INTS6L: variants seen among roughly 807,000 people sequenced by gnomAD.
The protein encoded by INTS6L is integrator complex subunit 6-like.
In INTS6L, 18 loss-of-function variants were observed where a neutral mutation model predicts 64.7. The ratio of observed to expected loss-of-function variants is 0.28; its 90% CI spans 0.19 to 0.41. The LOEUF (loss-of-function observed/expected upper bound fraction) is 0.41. INTS6L is among the 10% of genes least tolerant of loss of function. The pLI is 1.00. For missense variants in INTS6L, 533 were observed against 661.0 expected (o/e 0.81, Z 2.12); for synonymous variants, 227 against 235.9 (o/e 0.96, Z 0.34).
intron 2 of INTS6L, among the ~76,000 whole-genome samples, chrX:135,528,151 C>G (rs1042437797): frequency 1.8e-5 from 2 of 110,759 alleles, no homozygotes; most frequent in African/African-American, 3.3e-5. Context: ...TGCCTTTTAC[C>G]GAAAGAGTGT....
Position 135,529,732 on chromosome X carries a change from T to G in INTS6L, c.189+8414T>G, listed in dbSNP as rs148638604. Among the ~76,000 whole-genome samples, 5 of 112,340 alleles carry G rather than the reference T, an allele frequency of 4.5e-5. No homozygotes were observed. The East Asian group carries it at 1.4e-3, about 31-fold the overall frequency. ...ACTATCCCTGTATTTCAGATATGAT[T>G]TGACTTATATTTGCTTCCTTGTAAT... is the stretch of plus-strand genomic sequence containing the variant. On this transcript the variant is annotated intron_variant, in intron 2 of 17. Transcript: ENST00000639893.
intron 2 of INTS6L, among the ~76,000 whole-genome samples, chrX:135,531,168 A>G (rs1411694129): frequency 8.9e-6 from 1 of 112,563 alleles, no homozygotes; most frequent in East Asian, 2.8e-4. Context: ...ACTAATATTC[A>G]TCCTCTTTGT....
chrX:135,551,675 A>G (rs2086506804), intron 7 of INTS6L, among the ~76,000 whole-genome samples: 1 of 112,447 alleles, frequency 8.9e-6, no homozygotes, highest in African/African-American at 3.2e-5. Context: ...CTGAAATTCA[A>G]CATTCATCCT....
intron 9 of INTS6L, among the ~76,000 whole-genome samples, chrX:135,565,267 A>G (rs1427250984): frequency 8.9e-6 from 1 of 112,132 alleles, no homozygotes; most frequent in East Asian, 2.8e-4. Flanking sequence ...GCACTTTACA[A>G]TAGCAAGACT....
chrX:135,579,915 C>T lies in INTS6L; in HGVS notation c.2247C>T (p.Asn749=). ...INMTGDLMPP[N]QVDSLSDDFT... ...TGACAGGAGATCTTATGCCACCCAA[C>T]CAAGTGGATTCTCTGTCTGACGACT... The change falls in exon 16 of 18, where the codon AAC becomes AAT. Residue 749 remains asparagine, a synonymous_variant. Transcript: ENST00000639893. 1 of 1,211,691 alleles carries T rather than the reference C, an allele frequency of 8.3e-7. No homozygotes were observed. The highest frequency in any genetic ancestry group is 1.1e-6 in the Non-Finnish European group (1 of 895,501).
chrX:135,565,527 G>A (rs1157176107), intron 9 of INTS6L, among the ~76,000 whole-genome samples: 2 of 111,340 alleles, frequency 1.8e-5, no homozygotes. Flanking sequence ...AATGTCAAGT[G>A]TTTCTTCTGT....
At chrX:135,538,457 T>C (rs1268175683) in intron 2 of INTS6L, among the ~76,000 whole-genome samples, 5 of 112,193 alleles carry the variant, frequency 4.5e-5, no homozygotes, top group Non-Finnish European at 7.5e-5. Flanking sequence ...CTACCACTTA[T>C]GCAGTTACTT....
intron 2 of INTS6L, among the ~76,000 whole-genome samples, chrX:135,526,174 A>G (rs1281498899): frequency 9.0e-6 from 1 of 111,078 alleles, no homozygotes; most frequent in Non-Finnish European, 1.9e-5. Context: ...GCAAGCAGCC[A>G]CTCAGTTGTT....
At position 135,520,939 on chromosome X, in the gene INTS6L, G is replaced by C. The variant is rs2085519652; in HGVS notation, c.-54G>C. On this transcript the variant is annotated 5_prime_UTR_variant, in exon 1 of 18. Coordinates refer to ENST00000639893, the MANE Select transcript of INTS6L (RefSeq NM_001351601.3). ...AGGGTTCAGGTGGCCGTACGCGGCA[G>C]TGAGGGCAAGAGGGCCGGGAGAGTG... 8.7e-7 allele frequency: 1 copy of C among 1,150,893 alleles called. No homozygotes were observed. 94.8% of individuals were successfully genotyped at this position (1,150,893 alleles called of 1,213,427 possible). A position where few individuals can be genotyped will look rare whatever the true frequency, so the allele number is the denominator to read the frequency against.
chrX:135,575,107 G>A lies in INTS6L; in HGVS notation c.1765G>A (p.Ala589Thr), dbSNP rs782056151. ...AGATTCCCTTCATAGTGTTCCAGTTGCACAAATGGGTAACTATCAGGAATA... is the reference window on the plus strand; with the variant it reads ...AGATTCCCTTCATAGTGTTCCAGTTACACAAATGGGTAACTATCAGGAATA... ...DEDSLHSVPV[A>T]QMGNYQEYLK... The change falls in exon 14 of 18, where the codon GCA (alanine) becomes ACA (threonine). Residue 589 changes from alanine to threonine, a missense_variant. Coordinates refer to ENST00000639893, the MANE Select transcript of INTS6L (RefSeq NM_001351601.3). The A allele has an allele frequency of 8.3e-7, 1 of 1,210,494 alleles. No individual in the cohort carries two copies. Among genetic ancestry groups the A allele is most frequent in the South Asian group, 1.8e-5 (1 of 56,737 alleles).
At chrX:135,572,394 G>C (rs1285689797) in intron 11 of INTS6L, 3 of 113,920 alleles carry the variant, frequency 2.6e-5, no homozygotes, top group Non-Finnish European at 5.5e-5. Flanking sequence ...AATTTTTTCA[G>C]ATATAATGCC....
chrX:135,538,040 AGTT>A (rs782163030), intron 2 of INTS6L, among the ~76,000 whole-genome samples: 1 of 112,617 alleles, frequency 8.9e-6, no homozygotes, highest in East Asian at 2.8e-4. Flanking sequence ...TGATCAGGGC[AGTT>A]GTTGCTGAAG....
In INTS6L at chrX:135,559,599, T is replaced by C. The variant is rs189901821; in HGVS notation, c.1192+3299T>C. 4.4e-5 allele frequency among the ~76,000 whole-genome samples: 5 copies of C among 112,707 alleles called. No homozygotes were observed. The East Asian group carries it at 1.4e-3, about 31-fold the overall frequency. ...TTGGCTATTGTGAATAAAGCTACTGTAAACATTTGCATACAGGTTGTGAAC... is the reference window on the plus strand; with the variant it reads ...TTGGCTATTGTGAATAAAGCTACTGCAAACATTTGCATACAGGTTGTGAAC... On this transcript the variant is annotated intron_variant, in intron 9 of 17. Coordinates refer to ENST00000639893, the MANE Select transcript of INTS6L (RefSeq NM_001351601.3).
At position 135,569,561 on chromosome X, in the gene INTS6L, G is replaced by A. The variant is rs976188218; in HGVS notation, c.1287+130G>A. 5.8e-5 allele frequency: 21 copies of A among 359,029 alleles called. No individual in the cohort carries two copies. The Admixed American group carries it at 7.0e-4, about 12-fold the overall frequency. 29.6% of individuals were successfully genotyped at this position (359,029 alleles called of 1,213,427 possible). A position where few individuals can be genotyped will look rare whatever the true frequency, so the allele number is the denominator to read the frequency against. On this transcript the variant is annotated intron_variant, in intron 10 of 17. Transcript: ENST00000639893. Reference sequence around the variant, plus strand: ...TTTTTATTTTACAGATATTTGTGTCGTCACTGTCTTCTCAAATCATGTGTA... The same window carrying A: ...TTTTTATTTTACAGATATTTGTGTCATCACTGTCTTCTCAAATCATGTGTA...
At chrX:135,533,210 A>G (rs1556506322) in intron 2 of INTS6L, among the ~76,000 whole-genome samples, 1 of 112,249 alleles carries the variant, frequency 8.9e-6, no homozygotes, top group Non-Finnish European at 1.9e-5. Flanking sequence ...ATTGATGTCA[A>G]TTCTGTTTGC....
intron 9 of INTS6L, among the ~76,000 whole-genome samples, chrX:135,566,139 G>A (rs1652076406): frequency 8.9e-6 from 1 of 111,954 alleles, no homozygotes; most frequent in Admixed American, 9.4e-5. Flanking sequence ...TCTGCTACTT[G>A]CTAGTTTCAT....
intron 10 of INTS6L, chrX:135,570,210 G>T (rs1417790082): frequency 2.2e-5 from 6 of 275,020 alleles, no homozygotes; most frequent in Non-Finnish European, 3.8e-5. Context: ...GTTTGAATTT[G>T]CTGTTACTTG....
At chrX:135,528,428 A>T (rs1477495980) in intron 2 of INTS6L, among the ~76,000 whole-genome samples, 1 of 110,917 alleles carries the variant, frequency 9.0e-6, no homozygotes, top group Non-Finnish European at 1.9e-5. Context: ...TGGTTCCATG[A>T]GGGGTGGGGA....
chrX:135,560,353 A>C (rs936680381), intron 9 of INTS6L, among the ~76,000 whole-genome samples: 1 of 111,961 alleles, frequency 8.9e-6, no homozygotes, highest in Admixed American at 9.5e-5. Flanking sequence ...TGTCATCTGC[A>C]AATAGAGACA....
Sources: gnomAD v4.1 joint callset for allele counts (sites outside exome capture counted in the v4.1 genomes callset) on GRCh38, gnomAD v4.1.1 for gene constraint, MANE v1.5 for transcripts, NCBI Gene and HGNC (gene_info 2026-07-23, HGNC 2026-07-21) for gene names.